Variants in CDC14B observed in about 807,000 individuals in gnomAD.
CDC14B encodes the protein cell division cycle 14B, also known as dual specificity protein phosphatase CDC14B.
In CDC14B, 22 loss-of-function variants were observed where a neutral mutation model predicts 64.2. The observed-to-expected ratio is 0.34, with a 90% CI of 0.24 to 0.49. CDC14B has a LOEUF of 0.49. Ranked by LOEUF, CDC14B falls within the 20% of genes least tolerant of loss-of-function variation. The probability of loss-of-function intolerance (pLI) is 0.99; values close to 1 mark genes in which losing one functional copy is unlikely to be tolerated. For synonymous variants in CDC14B, 191 were observed against 215.8 expected (o/e 0.89, Z 1.01); for missense variants, 498 against 629.9 (o/e 0.79, Z 2.24).
intron 1 of CDC14B, among the ~76,000 whole-genome samples, chr9:96,568,852 G>C (rs983693890): frequency 6.6e-6 from 1 of 152,040 alleles, no homozygotes; most frequent in African/African-American, 2.4e-5. Context: ...GGGAGGTGGA[G>C]GTTGCAGTGA....
At chr9:96,573,576 G>C (rs567635784) in intron 1 of CDC14B, among the ~76,000 whole-genome samples, 1 of 152,050 alleles carries the variant, frequency 6.6e-6, no homozygotes, top group Non-Finnish European at 1.5e-5. Context: ...AATGCAATTC[G>C]AATCAAAATC....
intron 1 of CDC14B, among the ~76,000 whole-genome samples, chr9:96,573,372 T>G (rs906172937): frequency 6.6e-6 from 1 of 151,912 alleles, no homozygotes; most frequent in Non-Finnish European, 1.5e-5. Flanking sequence ...AATAATAAAG[T>G]TTTGCAATGT....
chr9:96,567,527 A>G (rs963166459), intron 1 of CDC14B, among the ~76,000 whole-genome samples: 1 of 152,250 alleles, frequency 6.6e-6, no homozygotes, highest in African/African-American at 2.4e-5. Context: ...AACGCTTTTA[A>G]TTGTGCAAGA....
intron 1 of CDC14B, among the ~76,000 whole-genome samples, chr9:96,602,424 G>A (rs556433157): frequency 2.0e-5 from 3 of 152,272 alleles, no homozygotes; most frequent in South Asian, 4.1e-4. Flanking sequence ...CCGTTTTCAC[G>A]CTGCTGATAA....
At chr9:96,606,207 C>T (rs1169332609) in intron 1 of CDC14B, among the ~76,000 whole-genome samples, 2 of 150,808 alleles carry the variant, frequency 1.3e-5, no homozygotes, top group Non-Finnish European at 3.0e-5. Context: ...GTGATGTGTG[C>T]CTGTAGTCCC....
chr9:96,503,577 C>A lies in CDC14B; in HGVS notation c.*176G>T. The A allele has an allele frequency of 1.6e-6, 1 of 611,802 alleles. No individual in the cohort carries two copies. The allele number at this position is 611,802 out of a possible 1,614,324, so 37.9% of individuals were successfully genotyped here. A position where few individuals can be genotyped will look rare whatever the true frequency, so the allele number is the denominator to read the frequency against. On this transcript the variant is annotated 3_prime_UTR_variant, in exon 14 of 14. Transcript: ENST00000375241. ...CCCTTCTCTGAGTCATTTGCTTGCA[C>A]CCAAACTCAAAGTTCATTATTCAAA... is the stretch of plus-strand genomic sequence containing the variant.
At chr9:96,603,155 G>GACACAC (rs5899295) in intron 1 of CDC14B, among the ~76,000 whole-genome samples, 21,035 of 137,924 alleles carry the variant, frequency 0.15, 1,557 homozygotes, top group East Asian at 0.23. Flanking sequence ...GATAGAAACG[G>GACACAC]ACACACACAC....
intron 1 of CDC14B, among the ~76,000 whole-genome samples, chr9:96,595,984 C>G (rs776930905): frequency 6.6e-6 from 1 of 152,022 alleles, no homozygotes; most frequent in Non-Finnish European, 1.5e-5. Flanking sequence ...TAAAATATAA[C>G]TTTCAACAAA....
rs144080846 is a variant in CDC14B at position 96,580,633 on chromosome 9, A to C, written c.161-15150T>G. ...TATGCATGTAACCGGTAACCCAGCCAATCCCTCTATTGAAATCGACCCGAG... is the reference window on the plus strand; with the variant it reads ...TATGCATGTAACCGGTAACCCAGCCCATCCCTCTATTGAAATCGACCCGAG... On this transcript the variant is annotated intron_variant, in intron 1 of 13. Transcript: ENST00000375241. 1.7e-3 allele frequency among the ~76,000 whole-genome samples: 257 copies of C among 152,338 alleles called. 1 individual carries two copies. The highest frequency in any genetic ancestry group is 6.8e-3 in the Middle Eastern group (2 of 294).
In CDC14B at chr9:96,523,316, A is replaced by T; in HGVS notation, c.1190T>A (p.Val397Asp). The stretch of plus-strand genomic sequence containing the variant: ...GACCCCATTTATGGAAATGTCATCA[A>T]CGCCAGAGAGAAGTTTGGAGAAGGC... ...RAAFSKLLSG[V>D]DDISINGVEN... The change falls in exon 11 of 14, where the codon GTT becomes GAT. Residue 397 changes from valine (V) to aspartate (D), a missense_variant. Val to Asp is a radical substitution (Grantham distance 152, BLOSUM62 -3). Coordinates refer to ENST00000375241, the MANE Select transcript of CDC14B (RefSeq NM_033331.4). The T allele has an allele frequency of 6.2e-7, 1 of 1,614,106 alleles. No individual in the cohort carries two copies.
chr9:96,595,559 G>A (rs1391402774), intron 1 of CDC14B, among the ~76,000 whole-genome samples: 2 of 152,162 alleles, frequency 1.3e-5, no homozygotes, highest in African/African-American at 4.8e-5. Flanking sequence ...CCTAAAAGGA[G>A]AAACAACTTG....
chr9:96,496,571 C>A (rs1240461441), downstream of CDC14B, among the ~76,000 whole-genome samples: 1 of 152,264 alleles, frequency 6.6e-6, no homozygotes, highest in Non-Finnish European at 1.5e-5. Context: ...CACTCCGCGG[C>A]TACTTAAGGA....
intron 9 of CDC14B, among the ~76,000 whole-genome samples, chr9:96,530,080 A>C (rs532190217): frequency 1.2e-4 from 18 of 152,260 alleles, no homozygotes; most frequent in South Asian, 4.1e-4. Flanking sequence ...CAAATCTTTC[A>C]TCTCCTTGGT....
At chr9:96,602,614 T>A (rs561356301) in intron 1 of CDC14B, among the ~76,000 whole-genome samples, 15 of 152,186 alleles carry the variant, frequency 9.9e-5, no homozygotes, top group South Asian at 2.1e-4. Context: ...TTATTCACTA[T>A]CATGAGAACA....
At chr9:96,579,938 A>G (rs553686431) in intron 1 of CDC14B, among the ~76,000 whole-genome samples, 2 of 152,054 alleles carry the variant, frequency 1.3e-5, no homozygotes, top group Non-Finnish European at 2.9e-5. Context: ...TTTTAAAGCA[A>G]TTGACTAGGA....
intron 9 of CDC14B, among the ~76,000 whole-genome samples, chr9:96,528,646 C>T (rs1271483746): frequency 3.9e-5 from 6 of 152,170 alleles, no homozygotes; most frequent in East Asian, 1.9e-4. Flanking sequence ...TGCTGAATGA[C>T]GTTAATTTTT....
chr9:96,517,759 A>C (rs1032102778), intron 12 of CDC14B, among the ~76,000 whole-genome samples: 45 of 151,146 alleles, frequency 3.0e-4, no homozygotes, highest in African/African-American at 1.1e-3. Context: ...TCCAACTCCT[A>C]GGCACAAGCA....
rs141573990 is a variant in CDC14B at position 96,526,766 on chromosome 9, T to A, written c.947-3041A>T. ...TTTGAGGCTGGATAATTATTTATAG[T>A]GAGGAGCTGTCCTGTGCGCTGTAGG... On this transcript the variant is annotated intron_variant, in intron 9 of 13. Coordinates refer to ENST00000375241, the MANE Select transcript of CDC14B (RefSeq NM_033331.4). Among the ~76,000 whole-genome samples the A allele has an allele frequency of 7.5e-3, 1,137 of 152,272 alleles. 8 individuals are homozygous for A. Among genetic ancestry groups the A allele is most frequent in the Admixed American group, 0.012 (178 of 15,302 alleles).
intron 3 of CDC14B, 21 bp from the exon 4 acceptor site, chr9:96,562,806 G>A (rs1843396537): frequency 7.0e-6 from 10 of 1,436,830 alleles, no homozygotes; most frequent in Non-Finnish European, 9.7e-6. Flanking sequence ...ATAAATAACT[G>A]TTAGCATTTT....
Sources: gnomAD v4.1 joint callset for allele counts (sites outside exome capture counted in the v4.1 genomes callset) on GRCh38, gnomAD v4.1.1 for gene constraint, MANE v1.5 for transcripts, NCBI Gene and HGNC (gene_info 2026-07-23, HGNC 2026-07-21) for gene names.